DIXDC1: variants seen among roughly 807,000 people sequenced by gnomAD.
DIXDC1 encodes the protein dixin.
In DIXDC1, 64 loss-of-function variants were observed where a neutral mutation model predicts 103.1. That is an observed-to-expected ratio of 0.62 (90% CI 0.51 to 0.76). The LOEUF is 0.76. Among genes scored for constraint, DIXDC1 ranks in the 30% least tolerant of loss-of-function variants. The probability of loss-of-function intolerance (pLI) is 0.00; values close to 1 mark genes in which losing one functional copy is unlikely to be tolerated. For missense variants in DIXDC1, 759 were observed against 834.2 expected (o/e 0.91, Z 1.11); for synonymous variants, 266 against 298.5 (o/e 0.89, Z 1.12).
intron 1 of DIXDC1, among the ~76,000 whole-genome samples, chr11:111,948,226 C>G (rs1375920282): frequency 6.6e-6 from 1 of 152,202 alleles, no homozygotes; most frequent in Non-Finnish European, 1.5e-5. Context: ...ATTTTCCCAT[C>G]CCTGAAATCT....
In DIXDC1 at chr11:112,014,947, C is replaced by T. The variant is rs1373419669; in HGVS notation, c.1757-1744C>T. Among the ~76,000 whole-genome samples, 5 of 151,470 alleles carry T rather than the reference C, an allele frequency of 3.3e-5. No homozygotes were observed. The South Asian group carries it at 8.4e-4, about 25-fold the overall frequency. On this transcript the variant is annotated intron_variant, in intron 17 of 19. Coordinates refer to ENST00000440460, the MANE Select transcript of DIXDC1 (RefSeq NM_001037954.4). ...TCACCAAGGCTGGAGTGCAGTGGCTCGATCTCGGCTCACTGCAACCTCTGC... is the reference window on the plus strand; with the variant it reads ...TCACCAAGGCTGGAGTGCAGTGGCTTGATCTCGGCTCACTGCAACCTCTGC...
upstream of DIXDC1, among the ~76,000 whole-genome samples, chr11:111,936,948 A>G (rs1555168166): frequency 6.7e-6 from 1 of 148,628 alleles, no homozygotes; most frequent in Non-Finnish European, 1.5e-5. Context: ...CGCGGCTGCA[A>G]GCGCATGCAT....
intron 17 of DIXDC1, among the ~76,000 whole-genome samples, chr11:112,013,742 A>G (rs1555177441): frequency 6.6e-6 from 1 of 152,092 alleles, no homozygotes; most frequent in Non-Finnish European, 1.5e-5. Flanking sequence ...ATCATGTGTC[A>G]GATTGTTTTT....
At chr11:112,018,757 T>A (rs1555178066) in intron 19 of DIXDC1, among the ~76,000 whole-genome samples, 199 bp from the exon 20 acceptor site, 2 of 152,128 alleles carry the variant, frequency 1.3e-5, no homozygotes, top group African/African-American at 4.8e-5. Context: ...ATCAGGCATT[T>A]TTTAAAACCA....
Position 111,993,738 on chromosome 11 carries a change from G to A in DIXDC1, c.1435G>A (p.Glu479Lys). The part of the protein sequence containing the change: ...LAHCMKREAD[E>K]ATNYNSHNSQ... ...TCACTGTATGAAAAGAGAGGCAGAT[G>A]AGGTAACCTAGACCCCGTGTTCTCC... is the stretch of plus-strand genomic sequence containing the variant. Residue 479 changes from glutamate (E) to lysine (K), a missense_variant and splice_region_variant, in exon 14 of 20, where the codon GAG becomes AAG. Glu to Lys is a moderately conservative substitution (Grantham distance 56). Transcript: ENST00000440460. 1 of 1,613,914 alleles carries A rather than the reference G, an allele frequency of 6.2e-7. No individual in the cohort carries two copies. Among genetic ancestry groups the A allele is most frequent in the Non-Finnish European group, 8.5e-7 (1 of 1,179,842 alleles).
intron 17 of DIXDC1, among the ~76,000 whole-genome samples, chr11:112,012,137 AT>A (rs1861442138): frequency 1.3e-5 from 2 of 152,348 alleles, no homozygotes; most frequent in South Asian, 4.1e-4. Flanking sequence ...TCTTCCACAA[AT>A]GATCTATAGC....
chr11:111,985,856 T>C (rs1216791350), intron 8 of DIXDC1, among the ~76,000 whole-genome samples: 1 of 152,210 alleles, frequency 6.6e-6, no homozygotes, highest in Non-Finnish European at 1.5e-5. Flanking sequence ...TCAATTTCAG[T>C]GAGTCCTAAA....
intron 14 of DIXDC1, among the ~76,000 whole-genome samples, chr11:111,994,590 GTA>G (rs1566549725): frequency 6.7e-6 from 1 of 149,418 alleles, no homozygotes; most frequent in African/African-American, 2.5e-5. Context: ...TGTATATTAT[GTA>G]TGTATATGTA....
upstream of DIXDC1, among the ~76,000 whole-genome samples, chr11:111,933,600 T>C (rs1555167869): frequency 1.3e-5 from 2 of 151,878 alleles, no homozygotes; most frequent in Non-Finnish European, 2.9e-5. Context: ...TGGCTAATTT[T>C]TGTATTTTTT....
intron 17 of DIXDC1, among the ~76,000 whole-genome samples, chr11:112,006,547 A>G (rs1266654739): frequency 6.6e-6 from 1 of 152,184 alleles, no homozygotes; most frequent in Non-Finnish European, 1.5e-5. Flanking sequence ...GATGACTTAC[A>G]TCTCATACAG....
chr11:112,012,732 A>T (rs1555177327), intron 17 of DIXDC1, among the ~76,000 whole-genome samples: 1 of 152,228 alleles, frequency 6.6e-6, no homozygotes, highest in African/African-American at 2.4e-5. Context: ...TGTAATAACT[A>T]TCATTTTGTC....
At position 111,995,984 on chromosome 11, in the gene DIXDC1, A is replaced by G. The variant is rs1860886499; in HGVS notation, c.1690-96A>G. Reference sequence around the variant, plus strand: ...TATGTTGTGGAAGAGATGGTAGAAAAGTATGTAGTATTTTAAGCACACTTT... The same window carrying G: ...TATGTTGTGGAAGAGATGGTAGAAAGGTATGTAGTATTTTAAGCACACTTT... On this transcript the variant is annotated intron_variant, in intron 16 of 19. Coordinates refer to ENST00000440460, the MANE Select transcript of DIXDC1 (RefSeq NM_001037954.4). The G allele has an allele frequency of 4.8e-6, 5 of 1,044,676 alleles. No homozygotes were observed. The East Asian group carries it at 1.3e-4, about 27-fold the overall frequency. 64.7% of individuals were successfully genotyped at this position (1,044,676 alleles called of 1,614,324 possible).
chr11:112,018,342 A>G (rs1278325232), intron 19 of DIXDC1, among the ~76,000 whole-genome samples: 2 of 152,228 alleles, frequency 1.3e-5, no homozygotes, highest in East Asian at 1.9e-4. Flanking sequence ...TTCTTAGCCT[A>G]CGCGTCTCTT....
chr11:111,933,597 T>C (rs2137425804), upstream of DIXDC1, among the ~76,000 whole-genome samples: 2 of 152,072 alleles, frequency 1.3e-5, 1 homozygote, highest in South Asian at 4.2e-4. Context: ...GAGTGGCTAA[T>C]TTTTGTATTT....
chr11:111,996,600 C>A (rs1211229390), intron 17 of DIXDC1, among the ~76,000 whole-genome samples: 1 of 152,134 alleles, frequency 6.6e-6, no homozygotes, highest in Non-Finnish European at 1.5e-5. Flanking sequence ...CCTGTAATCC[C>A]AGCACTTTGG....
At chr11:112,001,371 C>G (rs1861060317) in intron 17 of DIXDC1, among the ~76,000 whole-genome samples, 1 of 152,114 alleles carries the variant, frequency 6.6e-6, no homozygotes, top group African/African-American at 2.4e-5. Flanking sequence ...TGTTCTGGAA[C>G]TGGATAATGG....
At chr11:112,001,719 G>A (rs1861070110) in intron 17 of DIXDC1, among the ~76,000 whole-genome samples, 1 of 151,866 alleles carries the variant, frequency 6.6e-6, no homozygotes, top group Non-Finnish European at 1.5e-5. Flanking sequence ...GGAGGAAGAT[G>A]GGGCCACTAT....
intron 1 of DIXDC1, among the ~76,000 whole-genome samples, chr11:111,929,024 C>T (rs1283521843): frequency 6.6e-6 from 1 of 151,066 alleles, no homozygotes; most frequent in African/African-American, 2.4e-5. Flanking sequence ...AAAAAAGTAC[C>T]AAAAATTAGC....
chr11:111,970,920 A>T (rs1279244872), intron 3 of DIXDC1, among the ~76,000 whole-genome samples: 1 of 152,238 alleles, frequency 6.6e-6, no homozygotes, highest in Non-Finnish European at 1.5e-5. Context: ...CTGGCCAGCC[A>T]TATGCAGAAG....
Sources: gnomAD v4.1 joint callset for allele counts (sites outside exome capture counted in the v4.1 genomes callset) on GRCh38, gnomAD v4.1.1 for gene constraint, MANE v1.5 for transcripts, NCBI Gene and HGNC (gene_info 2026-07-23, HGNC 2026-07-21) for gene names.